Variants in CTBP1 observed in about 807,000 individuals in gnomAD.
CTBP1 encodes C-terminal binding protein 1, also known as C-terminal-binding protein 1.
CTBP1 carries 11 observed loss-of-function variants against 42.1 expected under a neutral mutation model. The ratio of observed to expected loss-of-function variants is 0.26; its 90% CI spans 0.16 to 0.43. The LOEUF (loss-of-function observed/expected upper bound fraction) is 0.43. Ranked by LOEUF, CTBP1 falls within the 20% of genes least tolerant of loss-of-function variation. CTBP1 has a pLI of 1.00. For missense variants in CTBP1, 399 were observed against 624.3 expected, an observed-to-expected ratio of 0.64 and a Z score of 3.85; for synonymous variants, 324 against 277.1, an observed-to-expected ratio of 1.17 and a Z score of -1.68.
rs1320197914 is a variant in CTBP1, at chr4:1,238,068, T to G, written c.162+115A>C. 2 of 1,361,288 alleles carry G rather than the reference T, an allele frequency of 1.5e-6. No individual in the cohort carries two copies. The highest frequency in any genetic ancestry group is 1.7e-5 in the Admixed American group (1 of 59,638). The allele number at this position is 1,361,288 out of a possible 1,614,324, so 84.3% of individuals were successfully genotyped here. On this transcript the variant is annotated intron_variant, in intron 3 of 9. Transcript: ENST00000382952. The surrounding 1 kb of genome is among the most constrained non-coding windows in gnomAD (Gnocchi z 5.9). ...GGCGCGGGACGACTGGGACAGAGGCTGCTCCTGCCCCAGTGGCACCCAGAC... is the reference window on the plus strand; with the variant it reads ...GGCGCGGGACGACTGGGACAGAGGCGGCTCCTGCCCCAGTGGCACCCAGAC...
intron 1 of CTBP1, chr4:1,245,278 C>G (rs993288132): frequency 1.0e-6 from 1 of 985,346 alleles, no homozygotes; most frequent in Non-Finnish European, 1.2e-6. Context: ...GATTTGCCAG[C>G]AAGATTCCTC....
In CTBP1 at chr4:1,212,353, C is replaced by T. The variant is rs758074443; in HGVS notation, c.1177G>A (p.Ala393Thr). ...GGCAGGCCGTGGGACAGGGACATGG[C>T]GCTGGGGACGATACCTTCCACAGCA... ...PAAVEGIVPS[A>T]MSLSHGLPPV... The change falls in exon 10 of 10, where the codon GCC (alanine) becomes ACC (threonine). Residue 393 changes from alanine to threonine, a missense_variant. This residue lies in a region of CTBP1 where 309 missense variants were observed against 497.5 expected (regional missense o/e 0.62). Transcript: ENST00000382952. 8 of 1,512,018 alleles carry T rather than the reference C, an allele frequency of 5.3e-6. No homozygotes were observed. In the Admixed American group the frequency reaches 7.2e-5, roughly 14 times the overall value. 93.7% of individuals were successfully genotyped at this position (1,512,018 alleles called of 1,614,324 possible).
At chr4:1,248,773 A>G (rs1476491309) in intron 1 of CTBP1, 143 bp downstream of exon 1, 3 of 963,228 alleles carry the variant, frequency 3.1e-6, no homozygotes, top group Non-Finnish European at 3.7e-6. Context: ...CCACGCGCGG[A>G]CGCCGGCGCG....
chr4:1,228,362 C>T lies in CTBP1; in HGVS notation c.163-19G>A, dbSNP rs369335392. ...TCAGGACCTGCAGCGAGAAAGCACACAGGCTCAGCCCGGAACCTGAAGACC... is the reference window on the plus strand; with the variant it reads ...TCAGGACCTGCAGCGAGAAAGCACATAGGCTCAGCCCGGAACCTGAAGACC... On this transcript the variant is annotated intron_variant, in intron 3 of 9. Coordinates refer to ENST00000382952, the MANE Select transcript of CTBP1 (RefSeq NM_001012614.2). The T allele has an allele frequency of 9.9e-6, 16 of 1,609,244 alleles. No homozygotes were observed. In the East Asian group the frequency reaches 3.4e-4, roughly 34 times the overall value.
chr4:1,225,620 G>A (rs1730252297), intron 4 of CTBP1, 54 bp from the exon 5 acceptor site: 9 of 1,493,668 alleles, frequency 6.0e-6, no homozygotes, highest in Middle Eastern at 3.6e-4. Context: ...GCCTCCGGGA[G>A]GACACCGGGG....
At chr4:1,214,321 G>A (rs961206506) in intron 7 of CTBP1, 22 bp downstream of exon 7, 3 of 1,533,214 alleles carry the variant, frequency 2.0e-6, no homozygotes, top group African/African-American at 2.9e-5. Context: ...GAGCAGGGGG[G>A]CGGCACTGGC....
rs181483701 is a variant in CTBP1 at position 1,212,039 on chromosome 4, C to T, written c.*201G>A. 26 of 405,968 alleles carry T rather than the reference C, an allele frequency of 6.4e-5. No individual in the cohort carries two copies. The highest frequency in any genetic ancestry group is 2.5e-4 in the African/African-American group (12 of 48,682). 25.1% of individuals were successfully genotyped at this position (405,968 alleles called of 1,614,324 possible). A position where few individuals can be genotyped will look rare whatever the true frequency, so the allele number is the denominator to read the frequency against. ...GACTTCTTCTGCTTAACGAGGAACG[C>T]GAAGGACACAGGGCAGAGCGCCCAC... On this transcript the variant is annotated 3_prime_UTR_variant, in exon 10 of 10. Coordinates refer to ENST00000382952, the MANE Select transcript of CTBP1 (RefSeq NM_001012614.2).
chr4:1,213,427 G>A, intron 8 of CTBP1, 51 bp downstream of exon 8: 1 of 1,599,612 alleles, frequency 6.3e-7, no homozygotes, highest in Non-Finnish European at 8.5e-7. Context: ...TGAGCATCTG[G>A]GGCTGGCAGG....
At chr4:1,241,568 C>G in intron 1 of CTBP1, 49 bp from the exon 2 acceptor site, 1 of 1,518,566 alleles carries the variant, frequency 6.6e-7, no homozygotes, top group South Asian at 1.2e-5. Flanking sequence ...GAAGGTCCGA[C>G]CAGAACTCAC....
rs1417456748 is a variant in CTBP1, at chr4:1,213,494, G to A, written c.972C>T (p.Ile324=). 3 of 1,611,848 alleles carry A rather than the reference G, an allele frequency of 1.9e-6. No individual in the cohort carries two copies. The South Asian group carries it at 3.3e-5, about 18-fold the overall frequency. The part of the protein sequence containing the change: ...IEMREEAARE[I]RRAITGRIPD... Reference sequence around the variant, plus strand: ...CACGCCCACCTGTGATGGCTCTGCGGATCTCCCGTGCCGCCTCCTCTCGCA... The same window carrying A: ...CACGCCCACCTGTGATGGCTCTGCGAATCTCCCGTGCCGCCTCCTCTCGCA... The change falls in exon 8 of 10, where the codon ATC becomes ATT. Residue 324 remains isoleucine (I), a synonymous_variant. Coordinates refer to ENST00000382952, the MANE Select transcript of CTBP1 (RefSeq NM_001012614.2).
At chr4:1,231,068 C>T (rs944230910) in intron 3 of CTBP1, 3 of 152,292 alleles carry the variant, frequency 2.0e-5, no homozygotes, top group African/African-American at 7.2e-5. Flanking sequence ...GGAATCTGAA[C>T]ATGGCTGGGG....
intron 3 of CTBP1, among the ~76,000 whole-genome samples, chr4:1,228,674 C>G (rs1407746684): frequency 1.3e-5 from 2 of 151,770 alleles, no homozygotes; most frequent in Non-Finnish European, 2.9e-5. Context: ...CGAGACTCTG[C>G]TCAGCCTTGT....
intron 5 of CTBP1, among the ~76,000 whole-genome samples, chr4:1,221,104 G>C (rs1396086137): frequency 1.3e-5 from 2 of 152,192 alleles, no homozygotes; most frequent in African/African-American, 4.8e-5. Context: ...AATGCATGTC[G>C]ATCTGACAAG....
chr4:1,213,635 G>A, intron 7 of CTBP1, 30 bp from the exon 8 acceptor site: 1 of 1,604,542 alleles, frequency 6.2e-7, no homozygotes, highest in South Asian at 1.1e-5. Context: ...GGTCAGTGCA[G>A]CCTGAGTGCT....
chr4:1,239,901 T>C (rs765091439), intron 2 of CTBP1, among the ~76,000 whole-genome samples: 166 of 152,362 alleles, frequency 1.1e-3, no homozygotes, highest in Middle Eastern at 3.4e-3. Flanking sequence ...ACGAGCACCA[T>C]AGACAGGCCG....
chr4:1,227,476 C>T (rs1431102323), intron 4 of CTBP1, among the ~76,000 whole-genome samples: 1 of 145,210 alleles, frequency 6.9e-6, no homozygotes, highest in African/African-American at 2.6e-5. Context: ...GTGCAGGATC[C>T]GTGTGCTGAG....
upstream of CTBP1, chr4:1,249,869 G>T: frequency 5.0e-6 from 1 of 199,260 alleles, no homozygotes; most frequent in Non-Finnish European, 1.1e-5. Context: ...TTCCCTTTAA[G>T]CATTAATATC....
Position 1,225,342 on chromosome 4 carries a change from G to C in CTBP1, c.514+18C>G. ...AGACACAGGGAGGGACACAGGCGTG[G>C]AGCTGCGGCCGACGCACCAAGTCCG... On this transcript the variant is annotated intron_variant, in intron 5 of 9. Coordinates refer to ENST00000382952, the MANE Select transcript of CTBP1 (RefSeq NM_001012614.2). The C allele has an allele frequency of 6.5e-7, 1 of 1,537,072 alleles. No homozygotes were observed. Among genetic ancestry groups the C allele is most frequent in the Non-Finnish European group, 8.7e-7 (1 of 1,146,058 alleles).
At position 1,227,571 on chromosome 4, in the gene CTBP1, T is replaced by C. The variant is rs567602468; in HGVS notation, c.307+628A>G. Reference sequence around the variant, plus strand: ...CTGCAGATGTGCGTGTTCTGTGTGCTGAGTGTGCGTGATCCGTGTGCTGAG... The same window carrying C: ...CTGCAGATGTGCGTGTTCTGTGTGCCGAGTGTGCGTGATCCGTGTGCTGAG... On this transcript the variant is annotated intron_variant, in intron 4 of 9. Transcript: ENST00000382952. Among the ~76,000 whole-genome samples, 337 of 143,310 alleles carry C rather than the reference T, an allele frequency of 2.4e-3. 1 individual carries two copies. The highest frequency in any genetic ancestry group is 8.1e-3 in the African/African-American group (309 of 37,992). The allele number at this position is 143,310 out of a possible 152,430, so 94.0% of individuals were successfully genotyped here.
Sources: allele counts gnomAD v4.1 joint callset (sites outside exome capture counted in the v4.1 genomes callset), GRCh38; gene constraint gnomAD v4.1.1; regional missense constraint gnomAD v4.1.1; non-coding constraint Gnocchi (gnomAD v3.1); transcripts MANE v1.5; gene names NCBI Gene and HGNC (gene_info 2026-07-23, HGNC 2026-07-21).